Variants in TBX20 observed in about 807,000 individuals in gnomAD.
The protein encoded by TBX20 is T-box transcription factor 20, also known as T-box transcription factor TBX20.
TBX20 carries 8 observed loss-of-function variants against 42.9 expected under a neutral mutation model. The ratio of observed to expected loss-of-function variants is 0.19; its 90% CI spans 0.11 to 0.34. The LOEUF is 0.34. TBX20 is among the 10% of genes least tolerant of loss of function. The pLI is 1.00. For missense variants in TBX20, 411 were observed against 566.0 expected (o/e 0.73, Z 2.78); for synonymous variants, 198 against 222.8 (o/e 0.89, Z 0.99).
At chr7:35,243,411 C>G (rs527721691) in intron 4 of TBX20, among the ~76,000 whole-genome samples, 6 of 152,158 alleles carry the variant, frequency 3.9e-5, no homozygotes, top group African/African-American at 1.2e-4. Flanking sequence ...AGAGCTATTA[C>G]TACCCAACGA....
chr7:35,246,818 A>G (rs1248547890), intron 3 of TBX20, among the ~76,000 whole-genome samples: 1 of 152,144 alleles, frequency 6.6e-6, no homozygotes, highest in Non-Finnish European at 1.5e-5. Flanking sequence ...ATAATAATAA[A>G]GAATAGTTGC....
At chr7:35,206,118 G>A (rs989632472) in intron 6 of TBX20, among the ~76,000 whole-genome samples, 5 of 152,202 alleles carry the variant, frequency 3.3e-5, no homozygotes, top group African/African-American at 1.2e-4. Context: ...GCCTCTGCAG[G>A]GTGAAATCAG....
intron 6 of TBX20, among the ~76,000 whole-genome samples, chr7:35,213,632 A>T (rs1485043688): frequency 2.0e-5 from 3 of 152,150 alleles, no homozygotes; most frequent in African/African-American, 4.8e-5. Flanking sequence ...TTATCAATGT[A>T]ATTTATGTAT....
In TBX20 at chr7:35,253,483, G is replaced by T. The variant is rs1434341814; in HGVS notation, c.127+11C>A. 2 of 1,607,856 alleles carry T rather than the reference G, an allele frequency of 1.2e-6. No homozygotes were observed. Among genetic ancestry groups the T allele is most frequent in the Non-Finnish European group, 1.7e-6 (2 of 1,177,614 alleles). On this transcript the variant is annotated intron_variant, in intron 1 of 7. Coordinates refer to ENST00000408931, the MANE Select transcript of TBX20 (RefSeq NM_001077653.2). Reference sequence around the variant, plus strand: ...CCAGTCCTCGGCGGACAGCCGGGTAGCCCAACTTACCCAGGGGTTTGATTG... The same window carrying T: ...CCAGTCCTCGGCGGACAGCCGGGTATCCCAACTTACCCAGGGGTTTGATTG...
chr7:35,222,269 T>C (rs1187398472), intron 6 of TBX20, among the ~76,000 whole-genome samples: 3 of 152,148 alleles, frequency 2.0e-5, no homozygotes, highest in Admixed American at 6.5e-5. Flanking sequence ...AATACATATA[T>C]AGCCCATTGT....
chr7:35,253,881 C>A lies in TBX20; in HGVS notation c.-261G>T. On this transcript the variant is annotated 5_prime_UTR_variant, in exon 1 of 8. Coordinates refer to ENST00000408931, the MANE Select transcript of TBX20 (RefSeq NM_001077653.2). ...CACCGAGCACTACGGCGGGTGCGCA[C>A]GCCCCGGGGCGCTCGGCAGGACGAC... 4.1e-6 allele frequency: 2 copies of A among 483,644 alleles called. No individual in the cohort carries two copies. Among genetic ancestry groups the A allele is most frequent in the South Asian group, 5.1e-5 (2 of 39,218 alleles). The allele number at this position is 483,644 out of a possible 1,614,324, so 30.0% of individuals were successfully genotyped here. A position where few individuals can be genotyped will look rare whatever the true frequency, so the allele number is the denominator to read the frequency against.
chr7:35,227,806 G>A lies in TBX20; in HGVS notation c.890+3698C>T, dbSNP rs540290803. 5.3e-5 allele frequency among the ~76,000 whole-genome samples: 8 copies of A among 152,240 alleles called. No individual in the cohort carries two copies. The South Asian group carries it at 1.2e-3, about 24-fold the overall frequency. The stretch of plus-strand genomic sequence containing the variant: ...GATACAGATTACCAGCGTCTCGAAG[G>A]GAGAGTAAATTGGAAGTTATTTTAA... On this transcript the variant is annotated intron_variant, in intron 6 of 7. Coordinates refer to ENST00000408931, the MANE Select transcript of TBX20 (RefSeq NM_001077653.2).
At position 35,249,648 on chromosome 7, in the gene TBX20, C is replaced by T. The variant is rs1361825209; in HGVS notation, c.380+303G>A. ...TTCCAGATCCCGACCCTCCACCCGC[C>T]AAACCTTCTCCAGCTCCAGGGAAAG... On this transcript the variant is annotated intron_variant, in intron 2 of 7. Coordinates refer to ENST00000408931, the MANE Select transcript of TBX20 (RefSeq NM_001077653.2). This position sits in a 1 kb window ranked among gnomAD's most constrained non-coding sequence, Gnocchi z 4.3. Among the ~76,000 whole-genome samples, 1 of 152,356 alleles carries T rather than the reference C, an allele frequency of 6.6e-6. No homozygotes were observed. Among genetic ancestry groups the T allele is most frequent in the African/African-American group, 2.4e-5 (1 of 41,578 alleles).
At chr7:35,240,358 A>G (rs1020847836) in intron 5 of TBX20, among the ~76,000 whole-genome samples, 1 of 152,222 alleles carries the variant, frequency 6.6e-6, no homozygotes, top group African/African-American at 2.4e-5. Context: ...TATAAATTAG[A>G]TATCTTGATG....
intron 5 of TBX20, among the ~76,000 whole-genome samples, chr7:35,236,293 T>C (rs1456519426): frequency 1.3e-5 from 2 of 150,984 alleles, no homozygotes; most frequent in African/African-American, 4.8e-5. Flanking sequence ...AATTTTTAAA[T>C]CTTCCTCTCT....
rs1241811813 is a variant in TBX20, at chr7:35,209,020, T to C, written c.891-4438A>G. ...TTAGTTTGTCAGCATGGTCATTACA[T>C]CCATTGAATTTCAAATGTTAAATCG... On this transcript the variant is annotated intron_variant, in intron 6 of 7. Coordinates refer to ENST00000408931, the MANE Select transcript of TBX20 (RefSeq NM_001077653.2). 3.9e-5 allele frequency among the ~76,000 whole-genome samples: 6 copies of C among 152,326 alleles called. No homozygotes were observed. The East Asian group carries it at 9.6e-4, about 24-fold the overall frequency.
chr7:35,235,927 C>A (rs1013089998), intron 5 of TBX20, among the ~76,000 whole-genome samples: 1 of 151,962 alleles, frequency 6.6e-6, no homozygotes, highest in African/African-American at 2.4e-5. Context: ...AATATCTGAC[C>A]AAAGGCATTT....
intron 6 of TBX20, among the ~76,000 whole-genome samples, chr7:35,230,757 C>T (rs1789852997): frequency 6.6e-6 from 1 of 152,092 alleles, no homozygotes; most frequent in African/African-American, 2.4e-5. Context: ...GGGAACTTCC[C>T]TGGTCAATTA....
In TBX20 at chr7:35,231,087, C is replaced by T. The variant is rs530968776; in HGVS notation, c.890+417G>A. Among the ~76,000 whole-genome samples the T allele has an allele frequency of 4.7e-4, 71 of 152,272 alleles. 1 individual carries two copies. Among genetic ancestry groups the T allele is most frequent in the Non-Finnish European group, 5.4e-4 (37 of 68,022 alleles). The stretch of plus-strand genomic sequence containing the variant: ...GTGACCTTGAATTAAATTACATCTC[C>T]TTGTTTCAAAATTCCCAACTACCCT... On this transcript the variant is annotated intron_variant, in intron 6 of 7. Coordinates refer to ENST00000408931, the MANE Select transcript of TBX20 (RefSeq NM_001077653.2).
At chr7:35,210,571 T>G (rs976551733) in intron 6 of TBX20, among the ~76,000 whole-genome samples, 6 of 152,070 alleles carry the variant, frequency 3.9e-5, no homozygotes, top group African/African-American at 1.4e-4. Context: ...TATTTGTCTG[T>G]TTTTTTATAC....
chr7:35,204,730 A>C (rs1335113333), intron 6 of TBX20, 148 bp from the exon 7 acceptor site: 8 of 688,598 alleles, frequency 1.2e-5, no homozygotes, highest in African/African-American at 5.3e-5. Flanking sequence ...CAAAACATGT[A>C]CATTTATTCT....
At chr7:35,206,263 C>G (rs556597486) in intron 6 of TBX20, among the ~76,000 whole-genome samples, 10 of 152,136 alleles carry the variant, frequency 6.6e-5, no homozygotes, top group Non-Finnish European at 1.0e-4. Context: ...TGTATGGGGC[C>G]GGAGCCGGGG....
intron 3 of TBX20, among the ~76,000 whole-genome samples, chr7:35,247,390 T>C (rs1431930549): frequency 1.3e-5 from 2 of 152,022 alleles, no homozygotes; most frequent in African/African-American, 4.8e-5. Context: ...ATAGCAATTG[T>C]TTTTTAGATT....
chr7:35,253,016 G>C (rs1388083732), intron 1 of TBX20, among the ~76,000 whole-genome samples: 1 of 152,162 alleles, frequency 6.6e-6, no homozygotes, highest in Non-Finnish European at 1.5e-5. Flanking sequence ...GGGAGAACTG[G>C]CTTATTCTGC....
Sources: allele counts gnomAD v4.1 joint callset (sites outside exome capture counted in the v4.1 genomes callset), GRCh38; gene constraint gnomAD v4.1.1; non-coding constraint Gnocchi (gnomAD v3.1); transcripts MANE v1.5; gene names NCBI Gene and HGNC (gene_info 2026-07-23, HGNC 2026-07-21).